The following WWOX variants were observed in gnomAD, a reference collection of about 807,000 sequenced individuals.
WWOX encodes the protein WW domain-containing oxidoreductase.
WWOX carries 69 observed loss-of-function variants against 46.2 expected under a neutral mutation model. The ratio of observed to expected loss-of-function variants is 1.49; its 90% CI spans 1.23 to 1.82. WWOX has a LOEUF of 1.82. Ranked by LOEUF, WWOX falls within the 40% of genes most tolerant of loss-of-function variation. The probability of loss-of-function intolerance (pLI) is 0.00; values close to 1 mark genes in which losing one functional copy is unlikely to be tolerated. For synonymous variants in WWOX, 359 were observed against 202.6 expected, an observed-to-expected ratio of 1.77 and a Z score of -6.56; for missense variants, 919 against 542.6, an observed-to-expected ratio of 1.69 and a Z score of -6.89.
chr16:79,197,496 C>A (rs1263587458), intron 8 of WWOX, among the ~76,000 whole-genome samples: 2 of 151,740 alleles, frequency 1.3e-5, no homozygotes, highest in Non-Finnish European at 2.9e-5. Context: ...AGTTCTTGAA[C>A]ACTTACTGGT....
chr16:78,682,748 G>T (rs2047759812), intron 8 of WWOX, among the ~76,000 whole-genome samples: 2 of 152,100 alleles, frequency 1.3e-5, no homozygotes, highest in Admixed American at 6.6e-5. Context: ...TTAAAGAAAG[G>T]TATTTCTCCC....
chr16:78,519,184 G>C (rs369558324), intron 8 of WWOX, among the ~76,000 whole-genome samples: 9 of 152,102 alleles, frequency 5.9e-5, no homozygotes, highest in Non-Finnish European at 1.0e-4. Flanking sequence ...TCTCTAAAAC[G>C]AGGCTCTTGA....
chr16:78,413,677 G>C (rs1338712742), intron 6 of WWOX, among the ~76,000 whole-genome samples: 1 of 151,862 alleles, frequency 6.6e-6, no homozygotes, highest in African/African-American at 2.4e-5. Context: ...GGATATGATG[G>C]CTTAGCCTGG....
At chr16:78,530,801 C>T (rs147455252) in intron 8 of WWOX, among the ~76,000 whole-genome samples, 2 of 152,194 alleles carry the variant, frequency 1.3e-5, no homozygotes, top group Non-Finnish European at 2.9e-5. Flanking sequence ...AGATTGGCAT[C>T]TAGCTGCTGC....
At chr16:78,910,682 C>G (rs1008470090) in intron 8 of WWOX, among the ~76,000 whole-genome samples, 1 of 151,910 alleles carries the variant, frequency 6.6e-6, no homozygotes, top group Non-Finnish European at 1.5e-5. Flanking sequence ...AAAGTCACAT[C>G]TTACATGGTG....
chr16:78,844,907 C>T (rs574099188), intron 8 of WWOX, among the ~76,000 whole-genome samples: 138 of 152,306 alleles, frequency 9.1e-4, no homozygotes, highest in African/African-American at 3.1e-3. Flanking sequence ...CTAGTGGTTG[C>T]TGACTCTCAG....
chr16:78,966,616 T>C (rs2046367382), intron 8 of WWOX, among the ~76,000 whole-genome samples: 1 of 152,188 alleles, frequency 6.6e-6, no homozygotes, highest in Admixed American at 6.5e-5. Flanking sequence ...TTTGAATCAA[T>C]AAATATAGTA....
At chr16:78,800,892 C>G (rs1263479279) in intron 8 of WWOX, among the ~76,000 whole-genome samples, 2 of 151,996 alleles carry the variant, frequency 1.3e-5, no homozygotes, top group African/African-American at 2.4e-5. Context: ...AAAGCTTTTG[C>G]AAGGCATTCC....
At chr16:79,150,111 A>C (rs563415740) in intron 8 of WWOX, among the ~76,000 whole-genome samples, 10 of 152,308 alleles carry the variant, frequency 6.6e-5, no homozygotes, top group African/African-American at 2.4e-4. Context: ...ATTCACTGGC[A>C]ATGGCTCTGG....
At chr16:78,370,886 A>G (rs1242040192) in intron 5 of WWOX, among the ~76,000 whole-genome samples, 1 of 149,928 alleles carries the variant, frequency 6.7e-6, no homozygotes, top group Non-Finnish European at 1.5e-5. Flanking sequence ...TGAGATGCAT[A>G]CAAAATGGAA....
At chr16:78,825,016 G>A (rs776412170) in intron 8 of WWOX, among the ~76,000 whole-genome samples, 3 of 152,134 alleles carry the variant, frequency 2.0e-5, no homozygotes, top group Non-Finnish European at 4.4e-5. Context: ...GTGCTCTGTG[G>A]TTTCTCTCTC....
chr16:78,256,596 G>C (rs1171232393), intron 5 of WWOX, among the ~76,000 whole-genome samples: 1 of 151,796 alleles, frequency 6.6e-6, no homozygotes, highest in Non-Finnish European at 1.5e-5. Flanking sequence ...TTAGCAAACT[G>C]TCCTTTGCTA....
intron 8 of WWOX, among the ~76,000 whole-genome samples, chr16:78,596,484 G>C (rs924123882): frequency 6.6e-6 from 1 of 150,552 alleles, no homozygotes; most frequent in Non-Finnish European, 1.5e-5. Context: ...GGGCGTATCA[G>C]GGGTGCTAAG....
At chr16:79,062,423 A>T (rs1251886725) in intron 8 of WWOX, among the ~76,000 whole-genome samples, 1 of 151,862 alleles carries the variant, frequency 6.6e-6, no homozygotes, top group Non-Finnish European at 1.5e-5. Flanking sequence ...ACTGTTTGCC[A>T]GGGAACCAAG....
intron 8 of WWOX, among the ~76,000 whole-genome samples, chr16:78,585,658 CTTTTG>C (rs1191686425): frequency 1.3e-5 from 2 of 149,880 alleles, no homozygotes; most frequent in East Asian, 2.0e-4. Context: ...GTTGTTTTTT[CTTTTG>C]TTTTGTTTTG....
intron 5 of WWOX, among the ~76,000 whole-genome samples, chr16:78,315,680 A>G (rs2080343685): frequency 6.6e-6 from 1 of 152,132 alleles, no homozygotes; most frequent in African/African-American, 2.4e-5. Context: ...AAATTATGTG[A>G]TTAGAGAGGG....
chr16:78,904,236 T>G (rs892856866), intron 8 of WWOX, among the ~76,000 whole-genome samples: 1 of 41,626 alleles, frequency 2.4e-5, no homozygotes, highest in Admixed American at 1.8e-4. Flanking sequence ...ATAAATGCCT[T>G]TTTTTTTTTT....
At chr16:78,230,230 GA>G (rs2037211973) in intron 5 of WWOX, among the ~76,000 whole-genome samples, 1 of 152,262 alleles carries the variant, frequency 6.6e-6, no homozygotes, top group Non-Finnish European at 1.5e-5. Context: ...CAGTGCCAGG[GA>G]AGGTTTGTGA....
At chr16:78,545,157 T>G (rs1045302815) in intron 8 of WWOX, among the ~76,000 whole-genome samples, 1 of 152,154 alleles carries the variant, frequency 6.6e-6, no homozygotes, top group African/African-American at 2.4e-5. Flanking sequence ...ACTGACTGAT[T>G]AGCAGTAACT....
Sources: allele counts gnomAD v4.1 joint callset (sites outside exome capture counted in the v4.1 genomes callset), GRCh38; gene constraint gnomAD v4.1.1; transcripts MANE v1.5; gene names NCBI Gene and HGNC (gene_info 2026-07-23, HGNC 2026-07-21).